The following POU6F2 variants were observed in gnomAD, a reference collection of about 807,000 sequenced individuals.
The protein encoded by POU6F2 is POU domain, class 6, transcription factor 2.
In POU6F2, 31 loss-of-function variants were observed where a neutral mutation model predicts 71.3. That is an observed-to-expected ratio of 0.43 (90% CI 0.33 to 0.59). The LOEUF (loss-of-function observed/expected upper bound fraction) is 0.59, where lower values mean the gene tolerates loss of function less well. Ranked by LOEUF, POU6F2 falls within the 20% of genes least tolerant of loss-of-function variation. POU6F2 has a pLI of 0.04. For synonymous variants in POU6F2, 347 were observed against 355.7 expected, an observed-to-expected ratio of 0.98 and a Z score of 0.27; for missense variants, 783 against 856.8, an observed-to-expected ratio of 0.91 and a Z score of 1.07.
chr7:39,270,804 A>G (rs1310868746), intron 4 of POU6F2, among the ~76,000 whole-genome samples: 1 of 152,208 alleles, frequency 6.6e-6, no homozygotes, highest in African/African-American at 2.4e-5. Flanking sequence ...CCTAGATTAC[A>G]GAATCAAACC....
rs533296009 is a variant in POU6F2 at position 39,343,271 on chromosome 7, C to A, written c.972+3256C>A. On this transcript the variant is annotated intron_variant, in intron 5 of 9. Coordinates refer to ENST00000518318, the MANE Select transcript of POU6F2 (RefSeq NM_001370959.1). The stretch of plus-strand genomic sequence containing the variant: ...AGTCCTTGGGTGCCAGGATGGAGAG[C>A]AGTCCATACTCCTTATTTTTGCTCA... Among the ~76,000 whole-genome samples the A allele has an allele frequency of 2.6e-5, 4 of 152,290 alleles. No individual in the cohort carries two copies. The South Asian group carries it at 6.2e-4, about 24-fold the overall frequency.
intron 4 of POU6F2, among the ~76,000 whole-genome samples, chr7:39,220,510 A>G (rs1383040023): frequency 2.6e-5 from 4 of 152,162 alleles, no homozygotes; most frequent in Non-Finnish European, 5.9e-5. Flanking sequence ...CGAAAACCCG[A>G]GCACCTGGTA....
rs143694290 is a variant in POU6F2, at chr7:39,464,401, C to T, written c.1878C>T (p.Thr626=). 1.6e-4 allele frequency: 259 copies of T among 1,613,948 alleles called. No homozygotes were observed. Among genetic ancestry groups the T allele is most frequent in the Admixed American group, 2.2e-4 (13 of 60,018 alleles). The change falls in exon 10 of 10, where the codon ACC becomes ACT. Residue 626 remains threonine (T), a synonymous_variant. Coordinates refer to ENST00000518318, the MANE Select transcript of POU6F2 (RefSeq NM_001370959.1). The surrounding 1 kb of genome is among the most constrained non-coding windows in gnomAD (Gnocchi z 4.1). ...ATCGAGCAGGTATGCAGAACCTGAC[C>T]GAGTTTATCGGGAGTGAACCATCCA... ...ARHRAGMQNL[T]EFIGSEPSKK...
At chr7:39,429,360 G>A (rs936365611) in intron 6 of POU6F2, among the ~76,000 whole-genome samples, 13 of 152,012 alleles carry the variant, frequency 8.6e-5, no homozygotes, top group South Asian at 2.1e-4. Context: ...TTTCTTCCTC[G>A]GAAGTGACTC....
At chr7:39,443,936 T>G (rs10261375) in intron 7 of POU6F2, among the ~76,000 whole-genome samples, 142,819 of 152,276 alleles carry the variant, frequency 0.94, 67,088 homozygotes, top group East Asian at 1. Context: ...TACAGGAACA[T>G]AGAGTTCCCT....
chr7:39,356,017 C>A (rs1035966076), intron 5 of POU6F2, among the ~76,000 whole-genome samples: 1 of 152,132 alleles, frequency 6.6e-6, no homozygotes, highest in African/African-American at 2.4e-5. Context: ...GGCTGTCGAG[C>A]TTCACATCCA....
intron 7 of POU6F2, among the ~76,000 whole-genome samples, chr7:39,446,791 G>T (rs1029029230): frequency 6.6e-5 from 10 of 152,302 alleles, no homozygotes; most frequent in East Asian, 3.9e-4. Context: ...ACAGCCACAG[G>T]CTCACATGAG....
Position 39,362,670 on chromosome 7 carries a change from T to TA in POU6F2, c.972+22662dup, listed in dbSNP as rs1472392418. On this transcript the variant is annotated intron_variant, in intron 5 of 9. Transcript: ENST00000518318. ...AGGAATCAAACATGCATACAAATAT[T>TA]AAAAAAAGGCAAATAAACAAACACA... 3.3e-5 allele frequency among the ~76,000 whole-genome samples: 5 copies of TA among 152,104 alleles called. No individual in the cohort carries two copies. The South Asian group carries it at 6.2e-4, about 19-fold the overall frequency.
At chr7:39,266,097 C>T (rs1182242777) in intron 4 of POU6F2, among the ~76,000 whole-genome samples, 2 of 152,210 alleles carry the variant, frequency 1.3e-5, no homozygotes, top group African/African-American at 2.4e-5. Flanking sequence ...GGAAGCATCC[C>T]ATGAACACAC....
intron 5 of POU6F2, among the ~76,000 whole-genome samples, chr7:39,374,393 C>G (rs1224343437): frequency 3.3e-5 from 5 of 152,196 alleles, no homozygotes; most frequent in Non-Finnish European, 1.5e-5. Flanking sequence ...CACACAAACA[C>G]ATTTGGGTTC....
At chr7:39,388,377 A>G in intron 5 of POU6F2, among the ~76,000 whole-genome samples, 1 of 152,106 alleles carries the variant, frequency 6.6e-6, no homozygotes. Context: ...GTGCAATGAC[A>G]CAATCTCAGC....
chr7:39,252,248 G>C (rs1468168297), intron 4 of POU6F2, among the ~76,000 whole-genome samples: 3 of 151,908 alleles, frequency 2.0e-5, no homozygotes, highest in African/African-American at 7.3e-5. Flanking sequence ...CCTGTCCTCT[G>C]TTTGAGTGTG....
chr7:39,279,136 C>T (rs981547050), intron 4 of POU6F2, among the ~76,000 whole-genome samples: 1 of 152,198 alleles, frequency 6.6e-6, no homozygotes, highest in Non-Finnish European at 1.5e-5. Context: ...CCAATCTCAC[C>T]TCATGCCCTT....
intron 1 of POU6F2, among the ~76,000 whole-genome samples, chr7:38,978,972 A>G (rs748292741): frequency 6.6e-6 from 1 of 152,138 alleles, no homozygotes; most frequent in Non-Finnish European, 1.5e-5. Flanking sequence ...TTGTATTTTC[A>G]TTTGCCTTCA....
intron 2 of POU6F2, among the ~76,000 whole-genome samples, chr7:39,192,742 TC>T (rs1793694524): frequency 6.6e-6 from 1 of 152,106 alleles, no homozygotes; most frequent in Non-Finnish European, 1.5e-5. Context: ...TTCTCACGCC[TC>T]CCCCTTGACT....
intron 9 of POU6F2, among the ~76,000 whole-genome samples, chr7:39,463,979 G>A (rs1261748565): frequency 6.6e-6 from 1 of 152,162 alleles, no homozygotes; most frequent in South Asian, 2.1e-4. Context: ...CATCACCCCT[G>A]TCTGTGCACC....
At chr7:39,400,091 C>A (rs1583574872) in intron 5 of POU6F2, among the ~76,000 whole-genome samples, 1 of 152,142 alleles carries the variant, frequency 6.6e-6, no homozygotes, top group African/African-American at 2.4e-5. Context: ...TCTTCCCTCT[C>A]CTTCGTTCGG....
intron 3 of POU6F2, among the ~76,000 whole-genome samples, chr7:39,206,512 A>G (rs533002653): frequency 1.2e-4 from 19 of 152,358 alleles, no homozygotes; most frequent in African/African-American, 3.8e-4. Context: ...TATGTCTTAC[A>G]TTCTGTTTTA....
intron 1 of POU6F2, chr7:39,034,314 G>C (rs2128710073): frequency 5.9e-6 from 1 of 169,584 alleles, no homozygotes; most frequent in African/African-American, 2.4e-5. Flanking sequence ...AGGAAGAAAC[G>C]TTCAGTAAAG....
Sources: gnomAD v4.1 joint callset for allele counts (sites outside exome capture counted in the v4.1 genomes callset) on GRCh38, gnomAD v4.1.1 for gene constraint, Gnocchi (gnomAD v3.1) non-coding constraint, MANE v1.5 for transcripts, NCBI Gene and HGNC (gene_info 2026-07-23, HGNC 2026-07-21) for gene names.